Variants in SIL1 observed in about 807,000 individuals in gnomAD.
SIL1 encodes SIL1 nucleotide exchange factor, also known as nucleotide exchange factor SIL1.
Under a neutral mutation model 49.1 loss-of-function variants are expected in SIL1, and 40 were observed. The ratio of observed to expected loss-of-function variants is 0.81; its 90% CI spans 0.63 to 1.06. The LOEUF is 1.06. Ranked by LOEUF, SIL1 falls within the 50% of genes least tolerant of loss-of-function variation. The pLI is 0.00. For synonymous variants in SIL1, 253 were observed against 250.8 expected (o/e 1.01, Z -0.08); for missense variants, 500 against 572.6 (o/e 0.87, Z 1.29).
At chr5:139,150,012 A>G (rs1646078159) in intron 1 of SIL1, among the ~76,000 whole-genome samples, 2 of 152,230 alleles carry the variant, frequency 1.3e-5, no homozygotes, top group Non-Finnish European at 2.9e-5. Flanking sequence ...CTTGCATAAC[A>G]CAGTCACCAC....
intron 1 of SIL1, among the ~76,000 whole-genome samples, chr5:139,171,855 G>A (rs1310876650): frequency 6.6e-6 from 1 of 151,872 alleles, no homozygotes; most frequent in African/African-American, 2.4e-5. Flanking sequence ...AAGGCATGGA[G>A]AAAAATCAAG....
chr5:139,140,141 G>A (rs1317095357), intron 1 of SIL1, among the ~76,000 whole-genome samples: 1 of 152,060 alleles, frequency 6.6e-6, no homozygotes, highest in Non-Finnish European at 1.5e-5. Context: ...GTGGTGATGG[G>A]TGCCTGTAAT....
intron 1 of SIL1, among the ~76,000 whole-genome samples, chr5:139,193,163 G>A (rs1341573862): frequency 6.6e-6 from 1 of 152,158 alleles, no homozygotes; most frequent in East Asian, 1.9e-4. Context: ...CAGAAGGGGT[G>A]AAAATTGATT....
At chr5:139,167,921 A>G (rs1054189759) in intron 1 of SIL1, among the ~76,000 whole-genome samples, 5 of 152,150 alleles carry the variant, frequency 3.3e-5, no homozygotes, top group African/African-American at 9.7e-5. Context: ...GGCTCAAGCA[A>G]TCCTCCTACC....
intron 7 of SIL1, among the ~76,000 whole-genome samples, chr5:138,981,213 CAAAAAAAAAAAAAAAAA>C (rs35272334): frequency 8.8e-6 from 1 of 113,544 alleles, no homozygotes; most frequent in Non-Finnish European, 1.8e-5. Flanking sequence ...ACTCTGTCTC[CAAAAAAAAAAAAAAAAA>C]AAAGTTTACC....
intron 7 of SIL1, chr5:139,012,747 C>A (rs1003530620): frequency 1.3e-5 from 2 of 152,196 alleles, no homozygotes; most frequent in Non-Finnish European, 2.9e-5. Flanking sequence ...GTGGGAGAAT[C>A]ACTCAAGCCC....
At chr5:139,159,968 C>T (rs1751477838) in intron 1 of SIL1, among the ~76,000 whole-genome samples, 1 of 152,146 alleles carries the variant, frequency 6.6e-6, no homozygotes, top group Non-Finnish European at 1.5e-5. Context: ...TTAAAGGCAG[C>T]CTCATTAGGC....
At position 139,066,670 on chromosome 5, in the gene SIL1, A is replaced by G. The variant is rs575083616; in HGVS notation, c.245-15624T>C. 3.9e-5 allele frequency among the ~76,000 whole-genome samples: 6 copies of G among 152,290 alleles called. No individual in the cohort carries two copies. The East Asian group carries it at 1.2e-3, about 29-fold the overall frequency. ...TGTGCCAGGTTTTAGGAAAATTAAA[A>G]GTGAGACATGGCCTCTCTACTCTTT... On this transcript the variant is annotated intron_variant, in intron 3 of 9. Coordinates refer to ENST00000394817, the MANE Select transcript of SIL1 (RefSeq NM_022464.5).
chr5:139,171,462 T>C (rs912353831), intron 1 of SIL1, among the ~76,000 whole-genome samples: 22 of 152,106 alleles, frequency 1.4e-4, no homozygotes, highest in Admixed American at 3.3e-4. Context: ...GGATTAAGGG[T>C]GGTGCAAGAT....
At chr5:139,050,034 G>A (rs1008722178) in intron 4 of SIL1, among the ~76,000 whole-genome samples, 3 of 152,202 alleles carry the variant, frequency 2.0e-5, no homozygotes, top group African/African-American at 7.2e-5. Flanking sequence ...AATGAGCATG[G>A]CTGTGTCCCA....
At chr5:138,971,699 T>C (rs776984897) in intron 7 of SIL1, among the ~76,000 whole-genome samples, 27 of 152,150 alleles carry the variant, frequency 1.8e-4, no homozygotes, top group Admixed American at 4.6e-4. Context: ...AATATACCCC[T>C]ACATCCTGGA....
At chr5:139,098,119 A>G (rs1770509703) in intron 3 of SIL1, among the ~76,000 whole-genome samples, 1 of 152,212 alleles carries the variant, frequency 6.6e-6, no homozygotes, top group East Asian at 1.9e-4. Context: ...GAACCACAGA[A>G]GAACCAGAAT....
chr5:139,099,378 A>G (rs1392486032), intron 3 of SIL1, among the ~76,000 whole-genome samples: 1 of 152,210 alleles, frequency 6.6e-6, no homozygotes, highest in Non-Finnish European at 1.5e-5. Flanking sequence ...AAGTTCCTCA[A>G]AAAACTAAAA....
At chr5:139,011,850 G>A (rs1413343361) in intron 7 of SIL1, among the ~76,000 whole-genome samples, 1 of 151,768 alleles carries the variant, frequency 6.6e-6, no homozygotes, top group East Asian at 1.9e-4. Flanking sequence ...TTCAAACTAC[G>A]TTTTAAAAAA....
At chr5:139,042,576 G>C in intron 5 of SIL1, 44 bp downstream of exon 5, 1 of 1,511,698 alleles carries the variant, frequency 6.6e-7, no homozygotes, top group Non-Finnish European at 9.2e-7. Context: ...AAGACAACAA[G>C]GCCATGCTGC....
chr5:138,951,725 C>T (rs1377231994), intron 8 of SIL1, 63 bp downstream of exon 8: 19 of 1,478,826 alleles, frequency 1.3e-5, no homozygotes, highest in Non-Finnish European at 1.8e-5. Context: ...GACAGGAACC[C>T]TTTCCTTTCA....
chr5:138,983,786 G>GT (rs1304378100), intron 7 of SIL1, among the ~76,000 whole-genome samples: 1 of 152,126 alleles, frequency 6.6e-6, no homozygotes, highest in East Asian at 1.9e-4. Flanking sequence ...CACAGTCTCT[G>GT]TGAGACACAT....
intron 1 of SIL1, among the ~76,000 whole-genome samples, chr5:139,153,112 C>T (rs1751340441): frequency 1.3e-5 from 2 of 152,238 alleles, no homozygotes; most frequent in South Asian, 4.1e-4. Flanking sequence ...GCCACCGCAC[C>T]TGGCCTAGAG....
intron 1 of SIL1, among the ~76,000 whole-genome samples, chr5:139,194,393 A>G (rs1460712225): frequency 6.6e-6 from 1 of 152,208 alleles, no homozygotes; most frequent in African/African-American, 2.4e-5. Context: ...GCAACAGGCT[A>G]TTCTCCTACT....
Sources: gnomAD v4.1 joint callset for allele counts (sites outside exome capture counted in the v4.1 genomes callset) on GRCh38, gnomAD v4.1.1 for gene constraint, MANE v1.5 for transcripts, NCBI Gene and HGNC (gene_info 2026-07-23, HGNC 2026-07-21) for gene names.